Variants in AMOTL1 observed in about 807,000 individuals in gnomAD.
AMOTL1 encodes the protein angiomotin like 1.
A neutral mutation model predicts 102.9 loss-of-function variants in AMOTL1; 45 were observed. The observed-to-expected ratio is 0.44, with a 90% CI of 0.34 to 0.56. The LOEUF (loss-of-function observed/expected upper bound fraction) is 0.56, where lower values mean the gene tolerates loss of function less well. Among genes scored for constraint, AMOTL1 ranks in the 20% least tolerant of loss-of-function variants. AMOTL1 has a pLI of 0.01. For missense variants in AMOTL1, 1,114 were observed against 1,225.6 expected (o/e 0.91, Z 1.36); for synonymous variants, 481 against 484.7 (o/e 0.99, Z 0.10).
At chr11:94,775,629 A>G (rs1276669074) in intron 1 of AMOTL1, among the ~76,000 whole-genome samples, 1 of 152,226 alleles carries the variant, frequency 6.6e-6, no homozygotes, top group African/African-American at 2.4e-5. Flanking sequence ...TGAAAAATTC[A>G]GGACCTCAGT....
At chr11:94,827,207 A>G (rs1474317848) in intron 4 of AMOTL1, among the ~76,000 whole-genome samples, 1 of 152,248 alleles carries the variant, frequency 6.6e-6, no homozygotes, top group Admixed American at 6.5e-5. Flanking sequence ...TAGAATTCCA[A>G]TGAGGGAAAT....
chr11:94,747,688 G>T (rs6483363), intron 3 of AMOTL1, among the ~76,000 whole-genome samples: 17,061 of 152,126 alleles, frequency 0.11, 1,982 homozygotes, highest in East Asian at 0.28. Flanking sequence ...ACTGCGTTTC[G>T]TGCTTGTGCA....
chr11:94,737,134 A>G (rs998655990), intron 2 of AMOTL1, among the ~76,000 whole-genome samples: 2 of 152,258 alleles, frequency 1.3e-5, no homozygotes, highest in Non-Finnish European at 2.9e-5. Flanking sequence ...TCATCCATTT[A>G]TATGAACAAA....
intron 12 of AMOTL1, among the ~76,000 whole-genome samples, chr11:94,870,405 C>T (rs947018365): frequency 6.6e-6 from 1 of 152,216 alleles, no homozygotes; most frequent in Non-Finnish European, 1.5e-5. Context: ...TCAGAATATG[C>T]ACCTGATAGT....
At position 94,869,345 on chromosome 11, in the gene AMOTL1, C is replaced by T. The variant is rs755459911; in HGVS notation, c.2636C>T (p.Thr879Ile). 3.1e-6 allele frequency: 5 copies of T among 1,611,900 alleles called. No individual in the cohort carries two copies. The Admixed American group carries it at 8.4e-5, about 27-fold the overall frequency. Residue 879 changes from threonine (T) to isoleucine (I), a missense_variant, in exon 12 of 13, where the codon ACT becomes ATT. Thr to Ile is a moderately conservative substitution (Grantham distance 89). Coordinates refer to ENST00000433060, the MANE Select transcript of AMOTL1 (RefSeq NM_130847.3). Reference sequence around the variant, plus strand: ...GGCAGCAAGGACAGCAGCACACAGACTGACAAGAGTGCCGAGCTCTTCTGG... The same window carrying T: ...GGCAGCAAGGACAGCAGCACACAGATTGACAAGAGTGCCGAGCTCTTCTGG... ...KTGSKDSSTQ[T>I]DKSAELFWPS...
intron 1 of AMOTL1, among the ~76,000 whole-genome samples, chr11:94,720,494 C>T (rs1482022176): frequency 6.6e-6 from 1 of 152,106 alleles, no homozygotes; most frequent in African/African-American, 2.4e-5. Flanking sequence ...AATGAAATGG[C>T]TTTTGGAAAC....
intron 6 of AMOTL1, among the ~76,000 whole-genome samples, chr11:94,836,564 T>C (rs1231842991): frequency 1.3e-5 from 2 of 152,212 alleles, no homozygotes; most frequent in East Asian, 3.8e-4. Flanking sequence ...CTGGTGACAA[T>C]AGGCTTGAAA....
chr11:94,860,414 T>C (rs1952752508), intron 9 of AMOTL1, among the ~76,000 whole-genome samples: 1 of 152,226 alleles, frequency 6.6e-6, no homozygotes, highest in Admixed American at 6.5e-5. Flanking sequence ...CTTCTTTTTG[T>C]AGGTGTATGG....
chr11:94,829,961 T>C, intron 4 of AMOTL1, 89 bp from the exon 5 acceptor site: 1 of 1,342,520 alleles, frequency 7.4e-7, no homozygotes, highest in Non-Finnish European at 1.0e-6. Context: ...AGATACAGCC[T>C]TCACACTGGC....
At chr11:94,837,051 G>T (rs1395125704) in intron 6 of AMOTL1, among the ~76,000 whole-genome samples, 1 of 152,176 alleles carries the variant, frequency 6.6e-6, no homozygotes, top group Non-Finnish European at 1.5e-5. Flanking sequence ...GCCTGCCAGG[G>T]TGACATCATT....
intron 1 of AMOTL1, among the ~76,000 whole-genome samples, chr11:94,771,329 C>T (rs1443078508): frequency 6.7e-6 from 1 of 149,914 alleles, no homozygotes; most frequent in African/African-American, 2.4e-5. Flanking sequence ...GAAAATTCTG[C>T]AGTGTTTTGA....
chr11:94,750,826 G>A (rs1331504615), intron 3 of AMOTL1, among the ~76,000 whole-genome samples: 1 of 152,188 alleles, frequency 6.6e-6, no homozygotes, highest in Non-Finnish European at 1.5e-5. Context: ...ATAGTTCAGC[G>A]TTGTTACACT....
rs1952950793 is a variant in AMOTL1, at chr11:94,869,489, C to T, written c.2764+16C>T. The T allele has an allele frequency of 6.3e-7, 1 of 1,576,364 alleles. No individual in the cohort carries two copies. Among genetic ancestry groups the T allele is most frequent in the South Asian group, 1.2e-5 (1 of 85,508 alleles). ...GAGAAACTGGGTATGTGGGCTACCC[C>T]ACCTTGATGCCCCTGAAAACTGTGG... On this transcript the variant is annotated intron_variant, in intron 12 of 12. Transcript: ENST00000433060.
intron 3 of AMOTL1, chr11:94,741,075 T>TG: frequency 9.0e-7 from 1 of 1,106,038 alleles, no homozygotes; most frequent in African/African-American, 1.6e-5. Context: ...GGAACTCAGC[T>TG]AGGGATGGGG....
At chr11:94,860,374 T>C (rs1304968969) in intron 9 of AMOTL1, among the ~76,000 whole-genome samples, 1 of 152,268 alleles carries the variant, frequency 6.6e-6, no homozygotes, top group Non-Finnish European at 1.5e-5. Flanking sequence ...TCTTTTCTGC[T>C]GCTGTCAGTT....
chr11:94,785,472 A>G (rs527777912), intron 1 of AMOTL1, among the ~76,000 whole-genome samples: 1 of 152,352 alleles, frequency 6.6e-6, no homozygotes, highest in Admixed American at 6.5e-5. Context: ...TAAGCACTCA[A>G]TAAATGGTAG....
At chr11:94,852,151 C>T (rs568221658) in intron 7 of AMOTL1, among the ~76,000 whole-genome samples, 1 of 152,298 alleles carries the variant, frequency 6.6e-6, no homozygotes, top group African/African-American at 2.4e-5. Flanking sequence ...GGAACCTTCA[C>T]TTAGTAGGTC....
intron 4 of AMOTL1, among the ~76,000 whole-genome samples, chr11:94,826,017 GCTCACCCCTGTAATC>G (rs1186417603): frequency 6.6e-6 from 1 of 152,168 alleles, no homozygotes; most frequent in Non-Finnish European, 1.5e-5. Flanking sequence ...AGGTGTGGTG[GCTCACCCCTGTAATC>G]CCAGCACTTT....
intron 3 of AMOTL1, among the ~76,000 whole-genome samples, chr11:94,744,058 A>C (rs1950561727): frequency 6.6e-6 from 1 of 152,164 alleles, no homozygotes; most frequent in Non-Finnish European, 1.5e-5. Context: ...CCTAGAATTT[A>C]ATTAAATTTT....
Sources: gnomAD v4.1 joint callset for allele counts (sites outside exome capture counted in the v4.1 genomes callset) on GRCh38, gnomAD v4.1.1 for gene constraint, MANE v1.5 for transcripts, NCBI Gene and HGNC (gene_info 2026-07-23, HGNC 2026-07-21) for gene names.